PTPN13: variants seen among roughly 807,000 people sequenced by gnomAD.
PTPN13 encodes the protein protein tyrosine phosphatase non-receptor type 13.
A neutral mutation model predicts 284.0 loss-of-function variants in PTPN13; 191 were observed. The observed-to-expected ratio is 0.67, with a 90% CI of 0.60 to 0.76. PTPN13 has a LOEUF of 0.76. PTPN13 is among the 30% of genes least tolerant of loss of function. PTPN13 has a pLI of 0.00. For synonymous variants in PTPN13, 986 were observed against 1,022.3 expected (o/e 0.96, Z 0.68); for missense variants, 2,797 against 2,939.9 (o/e 0.95, Z 1.12).
At chr4:86,657,937 C>A (rs990033150) in intron 2 of PTPN13, among the ~76,000 whole-genome samples, 12 of 152,214 alleles carry the variant, frequency 7.9e-5, no homozygotes, top group South Asian at 4.2e-4. Flanking sequence ...ACAGGCACTC[C>A]CTTAGCTGCC....
chr4:86,775,707 A>G, intron 35 of PTPN13, 55 bp downstream of exon 35: 1 of 1,294,628 alleles, frequency 7.7e-7, no homozygotes, highest in Non-Finnish European at 1.1e-6. Context: ...ATTTCAGGTC[A>G]TTGATTATAC....
intron 7 of PTPN13, among the ~76,000 whole-genome samples, chr4:86,708,369 ACTTCT>A (rs1416524723): frequency 1.3e-5 from 2 of 151,376 alleles, no homozygotes; most frequent in African/African-American, 4.9e-5. Context: ...ATGTATATTT[ACTTCT>A]CTTCTTTCGG....
At chr4:86,650,024 C>T (rs1232512244) in intron 2 of PTPN13, among the ~76,000 whole-genome samples, 3 of 152,144 alleles carry the variant, frequency 2.0e-5, no homozygotes, top group Admixed American at 1.3e-4. Context: ...CTTGCTCTCT[C>T]ACCCCGGCTG....
chr4:86,784,529 A>G lies in PTPN13; in HGVS notation c.6089A>G (p.Lys2030Arg). The G allele has an allele frequency of 6.2e-7, 1 of 1,608,748 alleles. No individual in the cohort carries two copies. The highest frequency in any genetic ancestry group is 2.2e-5 in the East Asian group (1 of 44,606). ...PKGKCSTYQIKGSPNLTLPKE... is the reference protein window; with the variant it reads ...PKGKCSTYQIRGSPNLTLPKE... ...GGAAAATGTTCTACTTATCAGATAA[A>G]GGGATCACCAAACTTGACTCTGCCC... The change falls in exon 38 of 48, where the codon AAG (lysine) becomes AGG (arginine). Residue 2030 changes from lysine to arginine, a missense_variant. Lys to Arg is a conservative substitution (Grantham distance 26). Coordinates refer to ENST00000411767, the MANE Select transcript of PTPN13 (RefSeq NM_080683.3).
In PTPN13 at chr4:86,732,469, A is replaced by G. The variant is rs752681431; in HGVS notation, c.1678A>G (p.Ile560Val). 14 of 1,600,922 alleles carry G rather than the reference A, an allele frequency of 8.7e-6. No homozygotes were observed. Among genetic ancestry groups the G allele is most frequent in the South Asian group, 6.7e-5 (6 of 88,950 alleles). The change falls in exon 11 of 48, where the codon ATT (isoleucine) becomes GTT (valine). Residue 560 changes from isoleucine (I) to valine (V), a missense_variant. Coordinates refer to ENST00000411767, the MANE Select transcript of PTPN13 (RefSeq NM_080683.3). ...PFISLDLPRS[I>V]LTKKGKNEDN... Reference sequence around the variant, plus strand: ...TATATCTTTGGATTTGCCACGGTCTATTCTTGTAAGTAATAAAACCAATTT... The same window carrying G: ...TATATCTTTGGATTTGCCACGGTCTGTTCTTGTAAGTAATAAAACCAATTT...
chr4:86,732,520 G>A (rs779643851), intron 11 of PTPN13, 46 bp downstream of exon 11: 6 of 1,592,708 alleles, frequency 3.8e-6, no homozygotes, highest in Admixed American at 1.7e-5. Context: ...AATAATTTCA[G>A]TAGTGTTAAA....
intron 2 of PTPN13, among the ~76,000 whole-genome samples, chr4:86,640,844 T>G (rs757920431): frequency 2.0e-5 from 3 of 152,188 alleles, no homozygotes; most frequent in Non-Finnish European, 2.9e-5. Flanking sequence ...ATTATAAAAT[T>G]AATTGTGAGG....
intron 7 of PTPN13, among the ~76,000 whole-genome samples, chr4:86,708,813 G>T (rs571702466): frequency 1.3e-5 from 2 of 151,932 alleles, no homozygotes; most frequent in Non-Finnish European, 2.9e-5. Context: ...ACCTGAACAG[G>T]ATAAAATTCT....
intron 3 of PTPN13, among the ~76,000 whole-genome samples, chr4:86,674,520 C>T (rs1232499936): frequency 6.6e-6 from 1 of 151,992 alleles, no homozygotes; most frequent in Non-Finnish European, 1.5e-5. Flanking sequence ...TGATTTGAGC[C>T]ATCAATTATG....
At chr4:86,724,817 C>CTT (rs113377197) in intron 10 of PTPN13, among the ~76,000 whole-genome samples, 11 of 147,910 alleles carry the variant, frequency 7.4e-5, no homozygotes, top group African/African-American at 2.7e-4. Context: ...CACTTTCATT[C>CTT]TTTTTTTTTT....
At chr4:86,703,333 T>G (rs547597457) in intron 7 of PTPN13, among the ~76,000 whole-genome samples, 6 of 152,208 alleles carry the variant, frequency 3.9e-5, no homozygotes, top group Admixed American at 1.3e-4. Flanking sequence ...AAAGTCTCCT[T>G]TTTTATGTTG....
At chr4:86,793,631 G>T (rs1742949137) in intron 40 of PTPN13, among the ~76,000 whole-genome samples, 1 of 152,142 alleles carries the variant, frequency 6.6e-6, no homozygotes, top group Non-Finnish European at 1.5e-5. Context: ...AAATGTAAAA[G>T]AACAGAAATT....
rs1016072235 is a variant in PTPN13, at chr4:86,803,757, A to G, written c.6554A>G (p.Lys2185Arg). The G allele has an allele frequency of 4.3e-6, 7 of 1,613,932 alleles. No individual in the cohort carries two copies. Among genetic ancestry groups the G allele is most frequent in the Non-Finnish European group, 4.2e-6 (5 of 1,179,842 alleles). The change falls in exon 43 of 48, where the codon AAA (lysine) becomes AGA (arginine). Residue 2185 changes from lysine (K) to arginine (R), a missense_variant. Transcript: ENST00000411767. ...NDELAVLPVVKVLPSGKYTGA... is the reference protein window; with the variant it reads ...NDELAVLPVVRVLPSGKYTGA... Reference sequence around the variant, plus strand: ...GAGCTCGCTGTACTCCCTGTCGTCAAAGTGCTTCCCTCTGGTAAATACACG... The same window carrying G: ...GAGCTCGCTGTACTCCCTGTCGTCAGAGTGCTTCCCTCTGGTAAATACACG...
intron 2 of PTPN13, among the ~76,000 whole-genome samples, chr4:86,666,165 C>G (rs990405182): frequency 7.2e-5 from 11 of 152,152 alleles, no homozygotes; most frequent in Admixed American, 3.3e-4. Flanking sequence ...TTCTGGCTTA[C>G]ACTATACTGT....
intron 2 of PTPN13, among the ~76,000 whole-genome samples, chr4:86,650,686 T>C (rs1189376709): frequency 2.0e-5 from 3 of 152,214 alleles, no homozygotes; most frequent in Admixed American, 1.3e-4. Context: ...GTAGCACTTG[T>C]AAATGGAATT....
chr4:86,797,723 A>G (rs1398065184), intron 41 of PTPN13, among the ~76,000 whole-genome samples: 2 of 150,070 alleles, frequency 1.3e-5, no homozygotes, highest in Admixed American at 6.6e-5. Flanking sequence ...CTATTTTTCT[A>G]TACTTCAAAA....
intron 1 of PTPN13, among the ~76,000 whole-genome samples, chr4:86,609,471 G>A (rs1009407116): frequency 2.0e-5 from 3 of 152,066 alleles, no homozygotes; most frequent in Non-Finnish European, 2.9e-5. Context: ...TAATGTCACC[G>A]AAGCCAGGAG....
intron 3 of PTPN13, among the ~76,000 whole-genome samples, chr4:86,676,117 C>A (rs909857415): frequency 3.9e-5 from 6 of 152,132 alleles, no homozygotes; most frequent in African/African-American, 1.4e-4. Context: ...CACACTATAC[C>A]GTACATACTT....
intron 7 of PTPN13, among the ~76,000 whole-genome samples, chr4:86,707,235 A>G (rs1359615037): frequency 6.6e-6 from 1 of 152,236 alleles, no homozygotes; most frequent in Non-Finnish European, 1.5e-5. Context: ...TAGAAAGGAA[A>G]GTATGAAGAA....
Sources: gnomAD v4.1 joint callset for allele counts (sites outside exome capture counted in the v4.1 genomes callset) on GRCh38, gnomAD v4.1.1 for gene constraint, MANE v1.5 for transcripts, NCBI Gene and HGNC (gene_info 2026-07-23, HGNC 2026-07-21) for gene names.